Variants in MAST4 observed in about 807,000 individuals in gnomAD.
MAST4 encodes microtubule associated serine/threonine kinase family member 4, also known as microtubule-associated serine/threonine-protein kinase 4.
A neutral mutation model predicts 162.7 loss-of-function variants in MAST4; 89 were observed. That is an observed-to-expected ratio of 0.55 (90% confidence interval 0.46 to 0.65). The LOEUF (loss-of-function observed/expected upper bound fraction) is 0.65, where lower values mean the gene tolerates loss of function less well. Among genes scored for constraint, MAST4 ranks in the 30% least tolerant of loss-of-function variants. MAST4 has a pLI of 0.00. For missense variants in MAST4, 3,153 were observed against 3,374.0 expected (o/e 0.93, Z 1.62); for synonymous variants, 1,479 against 1,361.1 (o/e 1.09, Z -1.91).
chr5:66,864,104 T>C (rs1050700398), intron 3 of MAST4, among the ~76,000 whole-genome samples: 1 of 152,172 alleles, frequency 6.6e-6, no homozygotes, highest in Non-Finnish European at 1.5e-5. Flanking sequence ...AAGTGCCAGG[T>C]AGAAAACAAA....
intron 10 of MAST4, among the ~76,000 whole-genome samples, chr5:67,108,575 G>T (rs1054338891): frequency 6.6e-6 from 1 of 152,096 alleles, no homozygotes; most frequent in Non-Finnish European, 1.5e-5. Context: ...AGGACCTGTC[G>T]TTATAGTTAC....
intron 4 of MAST4, among the ~76,000 whole-genome samples, chr5:66,938,471 C>T (rs1743003891): frequency 6.6e-6 from 1 of 152,060 alleles, no homozygotes; most frequent in Admixed American, 6.6e-5. Flanking sequence ...ATCAGAAGAA[C>T]ACTGTCTAAT....
chr5:66,797,308 A>T (rs1755697724), intron 3 of MAST4, among the ~76,000 whole-genome samples: 2 of 152,198 alleles, frequency 1.3e-5, no homozygotes, highest in Non-Finnish European at 2.9e-5. Flanking sequence ...TTTACTTCAG[A>T]GACTTCTTAG....
chr5:67,133,777 T>C lies in MAST4; in HGVS notation c.2226+131T>C, dbSNP rs1769278045. The C allele has an allele frequency of 3.5e-5, 35 of 1,012,148 alleles. 1 individual carries two copies. In the South Asian group the frequency reaches 6.2e-4, roughly 18 times the overall value. 62.7% of individuals were successfully genotyped at this position (1,012,148 alleles called of 1,614,324 possible). On this transcript the variant is annotated intron_variant, in intron 17 of 28. Transcript: ENST00000403625. ...TTAGATGTCTGTATAAACCTTACAT[T>C]TAATAAAGTGCAAATTGCTCCCATT... is the stretch of plus-strand genomic sequence containing the variant.
At position 66,927,564 on chromosome 5, in the gene MAST4, A is replaced by T. The variant is rs1764992295; in HGVS notation, c.674+27582A>T. 2.0e-5 allele frequency among the ~76,000 whole-genome samples: 3 copies of T among 152,258 alleles called. No individual in the cohort carries two copies. In the South Asian group the frequency reaches 6.2e-4, roughly 32 times the overall value. On this transcript the variant is annotated intron_variant, in intron 4 of 28. Transcript: ENST00000403625. Reference sequence around the variant, plus strand: ...CCACCCCTGAAGTCTGCACGGCTGGAGCCCCATGTGTGTAAATGATGGTGG... The same window carrying T: ...CCACCCCTGAAGTCTGCACGGCTGGTGCCCCATGTGTGTAAATGATGGTGG...
intron 1 of MAST4, among the ~76,000 whole-genome samples, chr5:66,705,898 A>AG (rs1260821874): frequency 6.6e-6 from 1 of 152,080 alleles, no homozygotes; most frequent in Non-Finnish European, 1.5e-5. Context: ...TACTTCTTGG[A>AG]GGTAGGTATT....
intron 5 of MAST4, among the ~76,000 whole-genome samples, chr5:67,084,552 G>A (rs1763035181): frequency 6.6e-6 from 1 of 152,134 alleles, no homozygotes; most frequent in African/African-American, 2.4e-5. Flanking sequence ...TAACAGGGAT[G>A]AGATTAGACA....
chr5:67,094,820 C>G (rs1426004538), intron 6 of MAST4, among the ~76,000 whole-genome samples: 2 of 152,130 alleles, frequency 1.3e-5, no homozygotes, highest in African/African-American at 4.8e-5. Flanking sequence ...ATAAAACCAC[C>G]CTTTTCATGG....
At chr5:66,693,425 G>A (rs1749180594) in intron 1 of MAST4, among the ~76,000 whole-genome samples, 1 of 152,088 alleles carries the variant, frequency 6.6e-6, no homozygotes, top group African/African-American at 2.4e-5. Flanking sequence ...AGCTCTTTTG[G>A]GAAAACCATG....
At position 67,162,603 on chromosome 5, in the gene MAST4, G is replaced by A. The variant is rs1581771631; in HGVS notation, c.3786-4G>A. ...CTGAACAATTTTTTCCTGTTTTTCT[G>A]TAGGAGGAGATCTCTTTTCAAAAAG... On this transcript the variant is annotated splice_region_variant and splice_polypyrimidine_tract_variant and intron_variant, in intron 27 of 28. Coordinates refer to ENST00000403625, the MANE Select transcript of MAST4 (RefSeq NM_001164664.2). 6.2e-7 allele frequency: 1 copy of A among 1,612,988 alleles called. No individual in the cohort carries two copies. Among genetic ancestry groups the A allele is most frequent in the Non-Finnish European group, 8.5e-7 (1 of 1,179,420 alleles).
At chr5:67,100,030 A>G (rs976605651) in intron 7 of MAST4, among the ~76,000 whole-genome samples, 4 of 152,004 alleles carry the variant, frequency 2.6e-5, no homozygotes, top group Admixed American at 2.6e-4. Flanking sequence ...ATTTCATGTT[A>G]TTTACCTAAA....
At chr5:67,013,259 G>A (rs1448266876) in intron 4 of MAST4, among the ~76,000 whole-genome samples, 2 of 152,156 alleles carry the variant, frequency 1.3e-5, no homozygotes, top group Non-Finnish European at 2.9e-5. Flanking sequence ...CCAGCACCTT[G>A]TGCCCCTGGA....
rs772692846 is a variant in MAST4 at position 67,133,601 on chromosome 5, C to T, written c.2181C>T (p.Tyr727=). ...VGLMSMTTNL[Y]EGHIEKDARE... ...TAATGAGCATGACTACCAACCTTTACGAGGGTCATATTGAGAAGGATGCTA... is the reference window on the plus strand; with the variant it reads ...TAATGAGCATGACTACCAACCTTTATGAGGGTCATATTGAGAAGGATGCTA... Residue 727 remains tyrosine (Y), a synonymous_variant, in exon 17 of 29, where the codon TAC becomes TAT. Coordinates refer to ENST00000403625, the MANE Select transcript of MAST4 (RefSeq NM_001164664.2). The T allele has an allele frequency of 2.3e-5, 37 of 1,613,210 alleles. No individual in the cohort carries two copies. The highest frequency in any genetic ancestry group is 2.2e-5 in the Non-Finnish European group (26 of 1,179,456).
chr5:67,164,557 GGTCT>G lies in MAST4; in HGVS notation c.5383_5386del (p.Val1795HisfsTer3). The G allele has an allele frequency of 1.2e-6, 2 of 1,613,988 alleles. No homozygotes were observed. The highest frequency in any genetic ancestry group is 1.7e-6 in the Non-Finnish European group (2 of 1,179,892). On this transcript the variant is annotated frameshift_variant, in exon 29 of 29. Transcript: ENST00000403625. LOFTEE classifies it low-confidence loss of function (END_TRUNC). The surrounding 1 kb of genome is among the most constrained non-coding windows in gnomAD (Gnocchi z 5.3). ...CCCTCCGAGTATAAGCTGGAAGGTA[GGTCT>G]GTCTCATGCCTGAAGCCGATCGAGG...
At chr5:66,777,655 A>G (rs1278933399) in intron 2 of MAST4, among the ~76,000 whole-genome samples, 1 of 152,168 alleles carries the variant, frequency 6.6e-6, no homozygotes, top group Non-Finnish European at 1.5e-5. Flanking sequence ...GAAATCTTAG[A>G]AAGGGTTGCA....
At chr5:66,916,936 AT>A (rs1321856539) in intron 4 of MAST4, 5 of 715,862 alleles carry the variant, frequency 7.0e-6, no homozygotes. Context: ...GCAATAAACA[AT>A]TTTTTTACCT....
chr5:66,789,406 C>T (rs979435613), intron 3 of MAST4, among the ~76,000 whole-genome samples: 3 of 152,150 alleles, frequency 2.0e-5, no homozygotes, highest in Admixed American at 6.5e-5. Context: ...AGTGTAGGAT[C>T]CAGTCTAGGG....
intron 1 of MAST4, among the ~76,000 whole-genome samples, chr5:66,729,312 G>A (rs1217927877): frequency 6.6e-6 from 1 of 152,134 alleles, no homozygotes; most frequent in Non-Finnish European, 1.5e-5. Context: ...GGTATTGGGG[G>A]TATATGTGTT....
Position 67,165,501 on chromosome 5 carries a change from T to G in MAST4, c.6322T>G (p.Phe2108Val), listed in dbSNP as rs1255577520. 3 of 1,613,840 alleles carry G rather than the reference T, an allele frequency of 1.9e-6. No individual in the cohort carries two copies. Among genetic ancestry groups the G allele is most frequent in the Non-Finnish European group, 2.5e-6 (3 of 1,179,908 alleles). Reference protein sequence around the residue: ...ESEKSEKLSSFPSLQKDGAKE... With the variant: ...ESEKSEKLSSVPSLQKDGAKE... ...TGAGAAGAGTGAAAAGCTCTCCAGT[T>G]TCCCATCTTTGCAGAAAGATGGTGC... is the stretch of plus-strand genomic sequence containing the variant. The change falls in exon 29 of 29, where the codon TTC becomes GTC. Residue 2108 changes from phenylalanine to valine, a missense_variant. Around this residue, in one of 7 missense-constraint regions of MAST4, gnomAD observed 1,644 missense variants for 1,495.0 expected, o/e 1.10. Transcript: ENST00000403625.
Sources: allele counts gnomAD v4.1 joint callset (sites outside exome capture counted in the v4.1 genomes callset), GRCh38; gene constraint gnomAD v4.1.1; regional missense constraint gnomAD v4.1.1; non-coding constraint Gnocchi (gnomAD v3.1); transcripts MANE v1.5; gene names NCBI Gene and HGNC (gene_info 2026-07-23, HGNC 2026-07-21).